The following COMMD6 variants were observed in gnomAD, a reference collection of about 807,000 sequenced individuals.
The protein encoded by COMMD6 is COMM domain-containing protein 6.
COMMD6 carries 11 observed loss-of-function variants against 13.4 expected under a neutral mutation model. The observed-to-expected ratio is 0.82, with a 90% CI of 0.52 to 1.36. The LOEUF (loss-of-function observed/expected upper bound fraction) is 1.36, where lower values mean the gene tolerates loss of function less well. COMMD6 is among the 40% of genes most tolerant of loss of function. The pLI, the probability that COMMD6 is intolerant of heterozygous loss-of-function variation, is 0.00. For synonymous variants in COMMD6, 43 were observed against 36.5 expected, an observed-to-expected ratio of 1.18 and a Z score of -0.64; for missense variants, 124 against 102.4, an observed-to-expected ratio of 1.21 and a Z score of -0.91.
intron 2 of COMMD6, among the ~76,000 whole-genome samples, chr13:75,531,154 T>A (rs1041757404): frequency 2.0e-5 from 3 of 152,190 alleles, no homozygotes; most frequent in Non-Finnish European, 2.9e-5. Flanking sequence ...GTTAATACAT[T>A]TCTTCTTGGA....
chr13:75,531,416 T>C (rs1024670033), intron 2 of COMMD6, among the ~76,000 whole-genome samples: 1 of 152,264 alleles, frequency 6.6e-6, no homozygotes, highest in South Asian at 2.1e-4. Flanking sequence ...CCCATTTTTA[T>C]AAAAGGGGGA....
intron 2 of COMMD6, among the ~76,000 whole-genome samples, chr13:75,534,368 CAA>C (rs2030591874): frequency 6.6e-6 from 1 of 152,138 alleles, no homozygotes; most frequent in Non-Finnish European, 1.5e-5. Context: ...AGACACTGTG[CAA>C]AGTCAGTCTT....
Position 75,525,668 on chromosome 13 carries a change from T to A in COMMD6, c.*921A>T, listed in dbSNP as rs9543957. ...GCAGCAGTCCTGGGCTCCTCACAGC[T>A]GTGTGCTACCTAGCAGGGAACAAAA... On this transcript the variant is annotated 3_prime_UTR_variant, in exon 4 of 4. Coordinates refer to ENST00000682242, the MANE Select transcript of COMMD6 (RefSeq NM_203495.4). 0.77 allele frequency: 117,575 copies of A among 152,266 alleles called. 45,689 individuals are homozygous for A. Among genetic ancestry groups the A allele is most frequent in the African/African-American group, 0.86 (35,545 of 41,548 alleles). 9.4% of individuals were successfully genotyped at this position (152,266 alleles called of 1,614,324 possible).
intron 3 of COMMD6, among the ~76,000 whole-genome samples, chr13:75,528,075 GT>G (rs1329334545): frequency 9.2e-5 from 14 of 151,446 alleles, no homozygotes; most frequent in Admixed American, 7.2e-4. Flanking sequence ...AGGTAACTGT[GT>G]GGGGGTGGAT....
At position 75,537,763 on chromosome 13, in the gene COMMD6, C is replaced by T; in HGVS notation, c.42+1G>A. 1 of 1,613,644 alleles carries T rather than the reference C, an allele frequency of 6.2e-7. No individual in the cohort carries two copies. Among genetic ancestry groups the T allele is most frequent in the Non-Finnish European group, 8.5e-7 (1 of 1,179,718 alleles). ...CACTCTCCTTCCAGGTTGGAACTCA[C>T]ATCGGACTTAGCATCCAGCGGCGGC... On this transcript the variant is annotated splice_donor_variant, in intron 1 of 3. Coordinates refer to ENST00000682242, the MANE Select transcript of COMMD6 (RefSeq NM_203495.4). LOFTEE classifies it high-confidence loss of function.
chr13:75,539,920 C>A (rs1194403561), upstream of COMMD6, among the ~76,000 whole-genome samples: 1 of 151,832 alleles, frequency 6.6e-6, no homozygotes, highest in South Asian at 2.1e-4. Context: ...ACACAGAACA[C>A]TGCTGTGCAT....
At chr13:75,541,186 C>CA (rs138001995), upstream of COMMD6, among the ~76,000 whole-genome samples, 6 of 152,290 alleles carry the variant, frequency 3.9e-5, no homozygotes, top group African/African-American at 1.4e-4. Context: ...CAGCACAGTT[C>CA]AAACCCATGT....
chr13:75,541,798 G>A (rs903275761), upstream of COMMD6, among the ~76,000 whole-genome samples: 7 of 152,154 alleles, frequency 4.6e-5, no homozygotes, highest in African/African-American at 1.7e-4. Context: ...ATCCTGTGTA[G>A]TCAATGGATA....
chr13:75,525,762 T>C lies in COMMD6; in HGVS notation c.*827A>G, dbSNP rs2030224283. On this transcript the variant is annotated 3_prime_UTR_variant, in exon 4 of 4. Transcript: ENST00000682242. ...GTGAAGAGGGTTTAAATTTCTAATATGGCGGACCAGAATGTCTTGATCTAT... is the reference window on the plus strand; with the variant it reads ...GTGAAGAGGGTTTAAATTTCTAATACGGCGGACCAGAATGTCTTGATCTAT... The C allele has an allele frequency of 6.6e-6, 1 of 152,260 alleles. No homozygotes were observed. The highest frequency in any genetic ancestry group is 2.4e-5 in the African/African-American group (1 of 41,464). 9.4% of individuals were successfully genotyped at this position (152,260 alleles called of 1,614,324 possible).
chr13:75,538,052 G>T (rs1204353913), upstream of COMMD6: 3 of 432,472 alleles, frequency 6.9e-6, no homozygotes, highest in Non-Finnish European at 1.2e-5. Flanking sequence ...GAAGAGAAGC[G>T]CTAATTAAAT....
intron 2 of COMMD6, among the ~76,000 whole-genome samples, chr13:75,534,632 A>G (rs2030599613): frequency 6.6e-6 from 1 of 152,250 alleles, no homozygotes; most frequent in Admixed American, 6.5e-5. Flanking sequence ...ATGATGAAGT[A>G]TTAAAAAAGG....
chr13:75,534,073 G>A (rs1021485188), intron 2 of COMMD6, among the ~76,000 whole-genome samples: 8 of 152,034 alleles, frequency 5.3e-5, no homozygotes, highest in Middle Eastern at 3.4e-3. Flanking sequence ...GGGCTCAAGC[G>A]ATTCTTCTAC....
In COMMD6 at chr13:75,526,045, G is replaced by C. The variant is rs933771869; in HGVS notation, c.*544C>G. On this transcript the variant is annotated 3_prime_UTR_variant, in exon 4 of 4. Coordinates refer to ENST00000682242, the MANE Select transcript of COMMD6 (RefSeq NM_203495.4). Reference sequence around the variant, plus strand: ...TAATAACAGAAATAATTGAATGCTAGACTAATACTGTGTAAAGGAGCAATG... The same window carrying C: ...TAATAACAGAAATAATTGAATGCTACACTAATACTGTGTAAAGGAGCAATG... The C allele has an allele frequency of 5.9e-5, 9 of 152,146 alleles. No individual in the cohort carries two copies. The highest frequency in any genetic ancestry group is 1.2e-4 in the African/African-American group (5 of 41,424). The allele number at this position is 152,146 out of a possible 1,614,324, so 9.4% of individuals were successfully genotyped here. A position where few individuals can be genotyped will look rare whatever the true frequency, so the allele number is the denominator to read the frequency against.
chr13:75,528,261 T>C (rs1360948964), intron 3 of COMMD6, among the ~76,000 whole-genome samples: 1 of 151,734 alleles, frequency 6.6e-6, no homozygotes, highest in Non-Finnish European at 1.5e-5. Flanking sequence ...TTTCTAGAGG[T>C]GGAATCAGGA....
chr13:75,534,022 T>C (rs558718051), intron 2 of COMMD6, among the ~76,000 whole-genome samples: 1 of 152,028 alleles, frequency 6.6e-6, no homozygotes, highest in South Asian at 2.1e-4. Flanking sequence ...CAGGCTGGAG[T>C]GCAGTGGCAT....
At chr13:75,530,593 CTT>C (rs1020069537) in intron 2 of COMMD6, 37 of 184,864 alleles carry the variant, frequency 2.0e-4, no homozygotes, top group African/African-American at 8.2e-4. Flanking sequence ...CTTGGAGTAT[CTT>C]TTAGTTCACT....
chr13:75,527,572 G>T (rs2030305144), intron 3 of COMMD6, among the ~76,000 whole-genome samples: 1 of 151,970 alleles, frequency 6.6e-6, no homozygotes, highest in African/African-American at 2.4e-5. Flanking sequence ...TAATGAAAAT[G>T]TTTTTGTGTA....
At chr13:75,545,625 C>G (rs1460934275) in intron 1 of COMMD6, among the ~76,000 whole-genome samples, 1 of 152,030 alleles carries the variant, frequency 6.6e-6, no homozygotes, top group Non-Finnish European at 1.5e-5. Flanking sequence ...ACGCCCGCCA[C>G]CACGCCTGGT....
upstream of COMMD6, among the ~76,000 whole-genome samples, chr13:75,540,343 CCCACA>C (rs2030806791): frequency 4.5e-5 from 5 of 111,296 alleles, no homozygotes; most frequent in Non-Finnish European, 8.9e-5. Flanking sequence ...CACACACACA[CCCACA>C]CACACACACA....
Sources: allele counts gnomAD v4.1 joint callset (sites outside exome capture counted in the v4.1 genomes callset), GRCh38; gene constraint gnomAD v4.1.1; transcripts MANE v1.5; gene names NCBI Gene and HGNC (gene_info 2026-07-23, HGNC 2026-07-21).